BAIAP2L2: variants seen among roughly 807,000 people sequenced by gnomAD.
BAIAP2L2 encodes BAR/IMD domain containing adaptor protein 2 like 2, also known as BAR/IMD domain-containing adapter protein 2-like 2.
In BAIAP2L2, 65 loss-of-function variants were observed where a neutral mutation model predicts 60.4. That is an observed-to-expected ratio of 1.08 (90% CI 0.88 to 1.32). BAIAP2L2 has a LOEUF of 1.32. Among genes scored for constraint, BAIAP2L2 ranks in the 40% most tolerant of loss-of-function variants. BAIAP2L2 has a pLI of 0.00. For synonymous variants in BAIAP2L2, 344 were observed against 301.7 expected, an observed-to-expected ratio of 1.14 and a Z score of -1.45; for missense variants, 836 against 741.2, an observed-to-expected ratio of 1.13 and a Z score of -1.48.
intron 4 of BAIAP2L2, among the ~76,000 whole-genome samples, chr22:38,105,972 C>A (rs938506994): frequency 2.6e-5 from 4 of 152,172 alleles, no homozygotes; most frequent in South Asian, 2.1e-4. Context: ...GATGCCACTG[C>A]CTGGAGAGGA....
intron 4 of BAIAP2L2, among the ~76,000 whole-genome samples, chr22:38,104,666 T>A (rs2086629004): frequency 6.6e-6 from 1 of 151,840 alleles, no homozygotes; most frequent in African/African-American, 2.4e-5. Context: ...CGGCTAATTG[T>A]TTTGTATTTT....
At chr22:38,105,792 C>A (rs1419822419) in intron 4 of BAIAP2L2, among the ~76,000 whole-genome samples, 1 of 152,192 alleles carries the variant, frequency 6.6e-6, no homozygotes, top group Non-Finnish European at 1.5e-5. Flanking sequence ...CTGGCTCCCT[C>A]TTTGGCATGG....
In BAIAP2L2 at chr22:38,085,152, G is replaced by A. The variant is rs954589266; in HGVS notation, c.*148C>T. The stretch of plus-strand genomic sequence containing the variant: ...CAAGCCAGTGCTTTGGAGCTGCTCA[G>A]GCTGCCGGGGTGGTCTGGGGAGGGC... On this transcript the variant is annotated 3_prime_UTR_variant, in exon 14 of 14. Transcript: ENST00000381669. 1 of 757,148 alleles carries A rather than the reference G, an allele frequency of 1.3e-6. No individual in the cohort carries two copies. Among genetic ancestry groups the A allele is most frequent in the Non-Finnish European group, 2.2e-6 (1 of 463,930 alleles). 46.9% of individuals were successfully genotyped at this position (757,148 alleles called of 1,614,324 possible).
intron 8 of BAIAP2L2, 88 bp downstream of exon 8, chr22:38,089,434 G>A: frequency 1.4e-6 from 1 of 725,518 alleles, no homozygotes; most frequent in Non-Finnish European, 1.9e-6. Flanking sequence ...CTGGGGGGCA[G>A]GAGGCTCCAG....
intron 12 of BAIAP2L2, 21 bp from the exon 13 acceptor site, chr22:38,085,753 G>C (rs2086044760): frequency 1.9e-6 from 3 of 1,583,774 alleles, no homozygotes; most frequent in Non-Finnish European, 1.7e-6. Flanking sequence ...GGTGGGGAAG[G>C]GCTGGTTTGG....
At chr22:38,109,836 G>C (rs1054623438) in intron 1 of BAIAP2L2, among the ~76,000 whole-genome samples, 2 of 151,878 alleles carry the variant, frequency 1.3e-5, no homozygotes, top group Non-Finnish European at 2.9e-5. Context: ...GACCTTGAAT[G>C]AGCTGTTTAA....
chr22:38,086,399 G>C lies in BAIAP2L2; in HGVS notation c.1310C>G (p.Pro437Arg), dbSNP rs770842791. 6.5e-7 allele frequency: 1 copy of C among 1,543,070 alleles called. No individual in the cohort carries two copies. Among genetic ancestry groups the C allele is most frequent in the Admixed American group, 1.9e-5 (1 of 52,374 alleles). ...CTCCGAGGGTGCTATGGAGTTGCCC[G>C]GCCGGTCCAGGAGGTCATCGAGGCT... is the stretch of plus-strand genomic sequence containing the variant. ...SHSLDDLLDR[P>R]GNSIAPSEYW... The change falls in exon 12 of 14, where the codon CCG (proline) becomes CGG (arginine). Residue 437 changes from proline to arginine, a missense_variant. By Grantham distance (103) the Pro-to-Arg change is moderately radical. Transcript: ENST00000381669.
intron 4 of BAIAP2L2, among the ~76,000 whole-genome samples, chr22:38,103,691 C>G (rs549951754): frequency 6.6e-6 from 1 of 152,104 alleles, no homozygotes; most frequent in African/African-American, 2.4e-5. Flanking sequence ...GGTGAAACCC[C>G]GTCTCTACTA....
Position 38,110,587 on chromosome 22 carries a change from GC to G in BAIAP2L2, c.-63del. The G allele has an allele frequency of 6.9e-7, 1 of 1,444,464 alleles. No individual in the cohort carries two copies. Among genetic ancestry groups the G allele is most frequent in the Non-Finnish European group, 9.5e-7 (1 of 1,048,538 alleles). The allele number at this position is 1,444,464 out of a possible 1,614,324, so 89.5% of individuals were successfully genotyped here. On this transcript the variant is annotated 5_prime_UTR_variant, in exon 1 of 14. Coordinates refer to ENST00000381669, the MANE Select transcript of BAIAP2L2 (RefSeq NM_025045.6). Reference sequence around the variant, plus strand: ...GCTGGTGGCGATGGCACAGCCGGGAGCAGTGGTAGGTAGTCCCTCAGGTGCC... The same window carrying G: ...GCTGGTGGCGATGGCACAGCCGGGAGAGTGGTAGGTAGTCCCTCAGGTGCC...
At chr22:38,089,696 G>T in intron 7 of BAIAP2L2, 22 bp from the exon 8 acceptor site, 3 of 1,228,448 alleles carry the variant, frequency 2.4e-6, no homozygotes, top group African/African-American at 1.6e-5. Flanking sequence ...GGGACACGGG[G>T]GTCAGCCAGG....
chr22:38,087,310 G>C (rs1201513529), intron 10 of BAIAP2L2, 46 bp from the exon 11 acceptor site: 1 of 1,567,658 alleles, frequency 6.4e-7, no homozygotes, highest in African/African-American at 1.4e-5. Context: ...AGCCAGGCCT[G>C]GGGACAATGA....
At position 38,089,169 on chromosome 22, in the gene BAIAP2L2, G is replaced by A. The variant is rs554978795; in HGVS notation, c.828C>T (p.Gly276=). The change falls in exon 9 of 14, where the codon GGC becomes GGT. Residue 276 remains glycine, a synonymous_variant. Coordinates refer to ENST00000381669, the MANE Select transcript of BAIAP2L2 (RefSeq NM_025045.6). ...PRSRHGSGSY[G]TEPDARPASQ... ...ACGCGGGCCTCGCGTCGGGCTCGGT[G>A]CCGTAGGAGCCGGAGCCGTGCCGGC... is the stretch of plus-strand genomic sequence containing the variant. 1.3e-4 allele frequency: 168 copies of A among 1,330,270 alleles called. No homozygotes were observed. The East Asian group carries it at 4.3e-3, about 34-fold the overall frequency. 82.4% of individuals were successfully genotyped at this position (1,330,270 alleles called of 1,614,324 possible).
Position 38,098,075 on chromosome 22 carries a change from C to T in BAIAP2L2, c.453G>A (p.Val151=). 6.2e-7 allele frequency: 1 copy of T among 1,609,200 alleles called. No homozygotes were observed. Among genetic ancestry groups the T allele is most frequent in the Non-Finnish European group, 8.5e-7 (1 of 1,177,346 alleles). ...CCGGCCCTCGCACCTTCATCTCCCGCACGTTCTTGTCTCTCTTGCGCTCCA... is the reference window on the plus strand; with the variant it reads ...CCGGCCCTCGCACCTTCATCTCCCGTACGTTCTTGTCTCTCTTGCGCTCCA... ...WRMERKRDKN[V]REMKESVNRL... The change falls in exon 6 of 14, where the codon GTG becomes GTA. Residue 151 remains valine, a synonymous_variant. Coordinates refer to ENST00000381669, the MANE Select transcript of BAIAP2L2 (RefSeq NM_025045.6).
intron 1 of BAIAP2L2, 88 bp downstream of exon 1, chr22:38,110,387 C>A: frequency 7.4e-7 from 1 of 1,349,330 alleles, no homozygotes; most frequent in Non-Finnish European, 1.0e-6. Context: ...TCTGTAGCCC[C>A]GGCTGGCCCT....
intron 4 of BAIAP2L2, among the ~76,000 whole-genome samples, chr22:38,107,161 C>T (rs569569185): frequency 1.3e-5 from 2 of 152,242 alleles, no homozygotes; most frequent in East Asian, 3.9e-4. Context: ...TTGAACCCAC[C>T]ACGAGCTAAG....
At chr22:38,105,339 C>CTTTTTTTTTTT (rs1035690122) in intron 4 of BAIAP2L2, among the ~76,000 whole-genome samples, 3 of 95,002 alleles carry the variant, frequency 3.2e-5, no homozygotes, top group Non-Finnish European at 4.6e-5. Context: ...TTTTTCTTTT[C>CTTTTTTTTTTT]TTTTTTTTTT....
At chr22:38,098,534 C>A in intron 4 of BAIAP2L2, 52 bp from the exon 5 acceptor site, 1 of 1,471,450 alleles carries the variant, frequency 6.8e-7, no homozygotes. Context: ...TGTTCCCAGG[C>A]CCCAGCACCC....
rs761918630 is a variant in BAIAP2L2, at chr22:38,108,287, C to T, written c.182G>A (p.Arg61His). 2.8e-5 allele frequency: 45 copies of T among 1,612,596 alleles called. No homozygotes were observed. Among genetic ancestry groups the T allele is most frequent in the African/African-American group, 6.7e-5 (5 of 74,934 alleles). ...CTGTGAGGTGGGGCTCTGCAGGGCA[C>T]GCTCCCCAATCTTCTGGATGGCACT... ...YFSAIQKIGE[R>H]ALQSPTSQIL... The change falls in exon 3 of 14, where the codon CGT (arginine) becomes CAT (histidine). Residue 61 changes from arginine (R) to histidine (H), a missense_variant. Transcript: ENST00000381669.
At position 38,097,104 on chromosome 22, in the gene BAIAP2L2, C is replaced by T; in HGVS notation, c.540G>A (p.Glu180=). The change falls in exon 7 of 14, where the codon GAG becomes GAA. Residue 180 remains glutamate, a synonymous_variant. Coordinates refer to ENST00000381669, the MANE Select transcript of BAIAP2L2 (RefSeq NM_025045.6). ...SESQRAAELE[E]KRRYRFLAEK... ...CTGCTAGGAAGCGATAGCGCCGCTT[C>T]TCTTCCAATTCAGCCGCCCGCTGAC... The T allele has an allele frequency of 1.2e-6, 2 of 1,614,110 alleles. No homozygotes were observed. The highest frequency in any genetic ancestry group is 1.7e-6 in the Non-Finnish European group (2 of 1,180,026).
Sources: gnomAD v4.1 joint callset for allele counts (sites outside exome capture counted in the v4.1 genomes callset) on GRCh38, gnomAD v4.1.1 for gene constraint, MANE v1.5 for transcripts, NCBI Gene and HGNC (gene_info 2026-07-23, HGNC 2026-07-21) for gene names.